Variants in UGT2A1 observed in about 807,000 individuals in gnomAD.
UGT2A1 encodes UDP glucuronosyltransferase family 2 member A1 complex locus.
A neutral mutation model predicts 45.4 loss-of-function variants in UGT2A1; 61 were observed. That is an observed-to-expected ratio of 1.34 (90% CI 1.09 to 1.66). The LOEUF is 1.66. Among genes scored for constraint, UGT2A1 ranks in the 40% most tolerant of loss-of-function variants. UGT2A1 has a pLI of 0.00. For synonymous variants in UGT2A1, 229 were observed against 196.2 expected (o/e 1.17, Z -1.40); for missense variants, 649 against 574.3 (o/e 1.13, Z -1.33).
intron 1 of UGT2A1, among the ~76,000 whole-genome samples, chr4:69,650,038 CT>C (rs1252355516): frequency 1.3e-5 from 2 of 152,056 alleles, no homozygotes; most frequent in Admixed American, 6.6e-5. Context: ...TTATAAAAGC[CT>C]TTGTATTCAA....
intron 3 of UGT2A1, among the ~76,000 whole-genome samples, chr4:69,609,232 A>G (rs9993182): frequency 0.2 from 29,532 of 151,048 alleles, 3,519 homozygotes; most frequent in East Asian, 0.56. Context: ...AGCTCACTGC[A>G]GCCTTGACCT....
chr4:69,638,887 T>C, intron 2 of UGT2A1: 1 of 1,552,092 alleles, frequency 6.4e-7, no homozygotes, highest in Non-Finnish European at 8.7e-7. Context: ...AAAGAGAAAA[T>C]TTTAGACTTA....
intron 3 of UGT2A1, among the ~76,000 whole-genome samples, chr4:69,627,971 T>A (rs1339576532): frequency 6.6e-6 from 1 of 151,998 alleles, no homozygotes; most frequent in African/African-American, 2.4e-5. Context: ...ACAGATTGCC[T>A]TTTAAGTTTG....
chr4:69,606,327 T>C (rs1719609532), intron 3 of UGT2A1, among the ~76,000 whole-genome samples: 1 of 135,970 alleles, frequency 7.4e-6, no homozygotes, highest in Admixed American at 7.2e-5. Context: ...AAAAACCACA[T>C]GATTATCTCA....
intron 3 of UGT2A1, among the ~76,000 whole-genome samples, chr4:69,613,085 A>T (rs1031984897): frequency 6.6e-5 from 10 of 151,992 alleles, no homozygotes; most frequent in African/African-American, 2.4e-4. Flanking sequence ...ATGAATAGAC[A>T]CTTCACAAAA....
intron 2 of UGT2A1, among the ~76,000 whole-genome samples, chr4:69,642,337 A>G (rs1722082471): frequency 6.6e-6 from 1 of 151,654 alleles, no homozygotes; most frequent in South Asian, 2.1e-4. Flanking sequence ...GAATGATACT[A>G]GAAGATTTTT....
At chr4:69,624,703 T>G (rs1720937752) in intron 3 of UGT2A1, among the ~76,000 whole-genome samples, 1 of 151,416 alleles carries the variant, frequency 6.6e-6, no homozygotes, top group African/African-American at 2.4e-5. Context: ...GACAGTATAC[T>G]TCCTGTATCT....
rs67338504 is a variant in UGT2A1, at chr4:69,593,980, TG to T, written c.1304+496del. Among the ~76,000 whole-genome samples, 585 of 147,152 alleles carry T rather than the reference TG, an allele frequency of 4.0e-3. 33 individuals carry two copies. The highest frequency in any genetic ancestry group is 9.0e-3 in the African/African-American group (357 of 39,838). ...AATATTTGAAGTCTTTTTTTTTGTTTGTTTTTTTTTTTGAGACTGAGTCTTG... is the reference window on the plus strand; with the variant it reads ...AATATTTGAAGTCTTTTTTTTTGTTTTTTTTTTTTTTGAGACTGAGTCTTG... On this transcript the variant is annotated intron_variant, in intron 6 of 6. Coordinates refer to ENST00000286604, the MANE Select transcript of UGT2A1 (RefSeq NM_001252275.3).
chr4:69,614,931 G>GC (rs1720288273), intron 3 of UGT2A1, among the ~76,000 whole-genome samples: 1 of 152,056 alleles, frequency 6.6e-6, no homozygotes, highest in African/African-American at 2.4e-5. Context: ...TGGTGGAAGG[G>GC]CAATGGGGAA....
At chr4:69,613,063 C>T (rs1337401497) in intron 3 of UGT2A1, among the ~76,000 whole-genome samples, 1 of 150,332 alleles carries the variant, frequency 6.7e-6, no homozygotes, top group Non-Finnish European at 1.5e-5. Context: ...CTAAAAAAGA[C>T]AGGCAAAAGA....
rs1034648633 is a variant in UGT2A1, at chr4:69,653,225, G to C, written c.-92C>G. ...GGAGGAACTTTAACAGCACTCATTTGACATTAGGAAGAAGCCGAATGTAAA... is the reference window on the plus strand; with the variant it reads ...GGAGGAACTTTAACAGCACTCATTTCACATTAGGAAGAAGCCGAATGTAAA... On this transcript the variant is annotated 5_prime_UTR_variant, in exon 1 of 7. It introduces an in-frame stop codon into an upstream open reading frame of the 5' UTR. Coordinates refer to ENST00000286604, the MANE Select transcript of UGT2A1 (RefSeq NM_001252275.3). 2 of 152,106 alleles carry C rather than the reference G, an allele frequency of 1.3e-5. No individual in the cohort carries two copies. Among genetic ancestry groups the C allele is most frequent in the Non-Finnish European group, 2.9e-5 (2 of 68,020 alleles). 9.4% of individuals were successfully genotyped at this position (152,106 alleles called of 1,614,324 possible). A position where few individuals can be genotyped will look rare whatever the true frequency, so the allele number is the denominator to read the frequency against.
intron 4 of UGT2A1, among the ~76,000 whole-genome samples, chr4:69,595,830 TA>T (rs1232287791): frequency 2.1e-4 from 32 of 152,320 alleles, no homozygotes; most frequent in Non-Finnish European, 7.4e-5. Context: ...AGAGTTGTAA[TA>T]AAACCTAGAC....
Position 69,589,454 on chromosome 4 carries a change from G to A in UGT2A1, c.1502C>T (p.Thr501Met), listed in dbSNP as rs184187801. The change falls in exon 7 of 7, where the codon ACG (threonine) becomes ATG (methionine). Residue 501 changes from threonine (T) to methionine (M), a missense_variant. Transcript: ENST00000286604. Reference protein sequence around the residue: ...VIGFLLVCVTTAIFLVIQCCL... With the variant: ...VIGFLLVCVTMAIFLVIQCCL... ...ACATTGTATGACCAAAAATATAGCC[G>A]TTGTCACACAGACCAGCAAGAACCC... 8.5e-5 allele frequency: 137 copies of A among 1,613,866 alleles called. No individual in the cohort carries two copies. The highest frequency in any genetic ancestry group is 1.6e-4 in the East Asian group (7 of 44,872).
chr4:69,616,835 T>TTTC (rs746719927), intron 3 of UGT2A1, among the ~76,000 whole-genome samples: 74 of 67,102 alleles, frequency 1.1e-3, no homozygotes, highest in African/African-American at 2.3e-3. Flanking sequence ...TTTCTTTTCT[T>TTTC]TTTTTTTTTT....
At chr4:69,616,536 C>T (rs935424870) in intron 3 of UGT2A1, among the ~76,000 whole-genome samples, 7 of 151,756 alleles carry the variant, frequency 4.6e-5, no homozygotes, top group Non-Finnish European at 7.4e-5. Context: ...AAAATGAAAA[C>T]TTAAACAATT....
At chr4:69,630,040 T>C (rs1311619655) in intron 3 of UGT2A1, among the ~76,000 whole-genome samples, 1 of 152,102 alleles carries the variant, frequency 6.6e-6, no homozygotes, top group Admixed American at 6.6e-5. Flanking sequence ...CTGGAATTTA[T>C]TTCTCATATT....
At chr4:69,646,881 AG>A in intron 2 of UGT2A1, 48 bp downstream of exon 2, 1 of 1,320,878 alleles carries the variant, frequency 7.6e-7, no homozygotes, top group Non-Finnish European at 1.0e-6. Context: ...GGCTCTACAA[AG>A]GTCTGTTTGT....
chr4:69,648,532 AT>A (rs1722384125), intron 1 of UGT2A1, among the ~76,000 whole-genome samples: 1 of 151,994 alleles, frequency 6.6e-6, no homozygotes, highest in African/African-American at 2.4e-5. Context: ...TATGTCAGAC[AT>A]TACGCAAACT....
chr4:69,599,102 G>C lies in UGT2A1; in HGVS notation c.996+144C>G, dbSNP rs1335494932. The C allele has an allele frequency of 4.9e-6, 6 of 1,217,260 alleles. No homozygotes were observed. In the African/African-American group the frequency reaches 9.2e-5, roughly 19 times the overall value. The allele number at this position is 1,217,260 out of a possible 1,614,324, so 75.4% of individuals were successfully genotyped here. ...AAAACACCTAATATCACTTGTAGGA[G>C]ACCTCTATCACAAGGAAAATAGATG... On this transcript the variant is annotated intron_variant, in intron 4 of 6. Transcript: ENST00000286604.
Sources: gnomAD v4.1 joint callset for allele counts (sites outside exome capture counted in the v4.1 genomes callset) on GRCh38, gnomAD v4.1.1 for gene constraint, MANE v1.5 for transcripts, NCBI Gene and HGNC (gene_info 2026-07-23, HGNC 2026-07-21) for gene names.